The following TMEM132B variants were observed in gnomAD, a reference collection of about 807,000 sequenced individuals.
TMEM132B encodes the protein transmembrane protein 132B.
Under a neutral mutation model 90.8 loss-of-function variants are expected in TMEM132B, and 18 were observed. The ratio of observed to expected loss-of-function variants is 0.20; its 90% confidence interval spans 0.14 to 0.29. The LOEUF is 0.29. TMEM132B is among the 10% of genes least tolerant of loss of function. The pLI is 1.00. For synonymous variants in TMEM132B, 504 were observed against 523.3 expected (o/e 0.96, Z 0.50); for missense variants, 1,096 against 1,326.8 (o/e 0.83, Z 2.70).
intron 3 of TMEM132B, among the ~76,000 whole-genome samples, chr12:125,430,733 G>A (rs552053081): frequency 2.0e-5 from 3 of 152,334 alleles, no homozygotes; most frequent in East Asian, 3.9e-4. Context: ...AAATCAGCTG[G>A]AAACAAAACC....
chr12:125,567,419 C>T (rs1012154376), intron 4 of TMEM132B, among the ~76,000 whole-genome samples: 1 of 152,046 alleles, frequency 6.6e-6, no homozygotes, highest in Non-Finnish European at 1.5e-5. Flanking sequence ...CCTTCCTCAT[C>T]TCCTTCTTGC....
intron 1 of TMEM132B, among the ~76,000 whole-genome samples, chr12:125,260,759 A>C (rs1874545828): frequency 6.6e-6 from 1 of 152,210 alleles, no homozygotes; most frequent in Non-Finnish European, 1.5e-5. Flanking sequence ...TCATATTAAA[A>C]TAAATAAAGG....
intron 2 of TMEM132B, among the ~76,000 whole-genome samples, chr12:125,369,571 A>G (rs2136267915): frequency 6.6e-6 from 1 of 152,332 alleles, no homozygotes; most frequent in Non-Finnish European, 1.5e-5. Context: ...AATGACAAAG[A>G]TGAGACTTAA....
At chr12:125,325,871 T>C (rs1428639096) in intron 1 of TMEM132B, among the ~76,000 whole-genome samples, 3 of 152,168 alleles carry the variant, frequency 2.0e-5, no homozygotes, top group Non-Finnish European at 2.9e-5. Context: ...TTGTGTCTCA[T>C]GGAATGAGCT....
At chr12:125,505,799 G>A (rs1391813137) in intron 3 of TMEM132B, among the ~76,000 whole-genome samples, 2 of 152,118 alleles carry the variant, frequency 1.3e-5, no homozygotes, top group Non-Finnish European at 2.9e-5. Context: ...AACTTATTCA[G>A]TCTGAAGAAC....
Position 125,656,410 on chromosome 12 carries a change from G to A in TMEM132B, c.*1700G>A, listed in dbSNP as rs548116518. 2.6e-5 allele frequency: 4 copies of A among 152,280 alleles called. No individual in the cohort carries two copies. The highest frequency in any genetic ancestry group is 4.8e-5 in the African/African-American group (2 of 41,540). The allele number at this position is 152,280 out of a possible 1,614,324, so 9.4% of individuals were successfully genotyped here. A position where few individuals can be genotyped will look rare whatever the true frequency, so the allele number is the denominator to read the frequency against. ...CCTTGGGTGGGAACATGACAACCCC[G>A]CCTCCTCTAGCCATGACGTGGCAGC... On this transcript the variant is annotated 3_prime_UTR_variant, in exon 9 of 9. Coordinates refer to ENST00000682704, the MANE Select transcript of TMEM132B (RefSeq NM_001366854.1).
At chr12:125,569,348 G>A (rs1380658246) in intron 4 of TMEM132B, among the ~76,000 whole-genome samples, 1 of 152,154 alleles carries the variant, frequency 6.6e-6, no homozygotes, top group Non-Finnish European at 1.5e-5. Flanking sequence ...TAGGAAATTG[G>A]TAGCAGCATC....
chr12:125,342,487 GTC>G (rs1877214674), intron 1 of TMEM132B, among the ~76,000 whole-genome samples: 1 of 152,162 alleles, frequency 6.6e-6, no homozygotes, highest in African/African-American at 2.4e-5. Flanking sequence ...CTAGGGGTGG[GTC>G]TCTGCAAAAC....
At chr12:125,414,035 T>C (rs1200893757) in intron 2 of TMEM132B, among the ~76,000 whole-genome samples, 1 of 152,162 alleles carries the variant, frequency 6.6e-6, no homozygotes, top group African/African-American at 2.4e-5. Flanking sequence ...GCCATCCCAG[T>C]GGGTATTAAG....
At chr12:125,612,417 C>T (rs928681167) in intron 5 of TMEM132B, among the ~76,000 whole-genome samples, 3 of 151,530 alleles carry the variant, frequency 2.0e-5, no homozygotes, top group Non-Finnish European at 2.9e-5. Context: ...GAGCTGAGAT[C>T]GCTTGCCACT....
At position 125,653,916 on chromosome 12, in the gene TMEM132B, A is replaced by G. The variant is rs766977599; in HGVS notation, c.2458A>G (p.Ser820Gly). 6 of 1,614,226 alleles carry G rather than the reference A, an allele frequency of 3.7e-6. No individual in the cohort carries two copies. The Admixed American group carries it at 1.0e-4, about 27-fold the overall frequency. ...GINREYKDHLSNSIEREGNQE... is the reference protein window; with the variant it reads ...GINREYKDHLGNSIEREGNQE... ...AAATCGGGAATATAAAGACCACCTC[A>G]GTAATTCCATAGAGCGCGAAGGAAA... The change falls in exon 9 of 9, where the codon AGT becomes GGT. Residue 820 changes from serine (S) to glycine (G), a missense_variant. Physicochemically the swap from Ser to Gly is moderately conservative, Grantham distance 56. Transcript: ENST00000682704.
intron 2 of TMEM132B, among the ~76,000 whole-genome samples, chr12:125,355,097 A>T (rs1448439269): frequency 6.6e-6 from 1 of 151,868 alleles, no homozygotes; most frequent in East Asian, 1.9e-4. Context: ...TTGGGGACTG[A>T]TCTTTATTCA....
At chr12:125,345,867 G>A (rs1440301108) in intron 1 of TMEM132B, among the ~76,000 whole-genome samples, 1 of 152,096 alleles carries the variant, frequency 6.6e-6, no homozygotes, top group Non-Finnish European at 1.5e-5. Context: ...TCAGAACGCG[G>A]GCCACACGGT....
chr12:125,279,608 A>C (rs1875102530), intron 1 of TMEM132B, among the ~76,000 whole-genome samples: 1 of 152,034 alleles, frequency 6.6e-6, no homozygotes, highest in Non-Finnish European at 1.5e-5. Flanking sequence ...CCCTCATGGG[A>C]GGAAGAGAGA....
intron 5 of TMEM132B, among the ~76,000 whole-genome samples, chr12:125,638,302 A>G (rs893101728): frequency 3.3e-5 from 5 of 152,224 alleles, no homozygotes; most frequent in African/African-American, 1.2e-4. Context: ...ATAATTCTAC[A>G]TAAAATTTTG....
chr12:125,199,530 A>G (rs1291466522), intron 1 of TMEM132B, among the ~76,000 whole-genome samples: 2 of 152,188 alleles, frequency 1.3e-5, no homozygotes, highest in Non-Finnish European at 2.9e-5. Flanking sequence ...TGGGGGAACA[A>G]GGAAGCCTAG....
At chr12:125,328,404 G>A (rs920335878) in intron 1 of TMEM132B, among the ~76,000 whole-genome samples, 1 of 152,140 alleles carries the variant, frequency 6.6e-6, no homozygotes, top group African/African-American at 2.4e-5. Context: ...CGTGTCCTTC[G>A]GCTACTGTGT....
Position 125,645,671 on chromosome 12 carries a change from A to T in TMEM132B, c.1643+1390A>T, listed in dbSNP as rs554578418. ...GCACTTCCAGATAAGAGACCAGCCC[A>T]GCTGACGCCTTAATATTGAACTTGT... is the stretch of plus-strand genomic sequence containing the variant. On this transcript the variant is annotated intron_variant, in intron 6 of 8. Coordinates refer to ENST00000682704, the MANE Select transcript of TMEM132B (RefSeq NM_001366854.1). 9.9e-4 allele frequency among the ~76,000 whole-genome samples: 151 copies of T among 152,370 alleles called. 2 individuals carry two copies. Among genetic ancestry groups the T allele is most frequent in the African/African-American group, 3.5e-3 (146 of 41,592 alleles).
At chr12:125,288,821 A>C (rs960620319) in intron 1 of TMEM132B, among the ~76,000 whole-genome samples, 4 of 152,140 alleles carry the variant, frequency 2.6e-5, no homozygotes, top group African/African-American at 9.7e-5. Flanking sequence ...GGGCAAAATC[A>C]TCCCTGGTTG....
Sources: allele counts gnomAD v4.1 joint callset (sites outside exome capture counted in the v4.1 genomes callset), GRCh38; gene constraint gnomAD v4.1.1; transcripts MANE v1.5; gene names NCBI Gene and HGNC (gene_info 2026-07-23, HGNC 2026-07-21).